BLK: variants seen among roughly 807,000 people sequenced by gnomAD.
BLK encodes the protein BLK proto-oncogene, Src family tyrosine kinase.
In BLK, 64 loss-of-function variants were observed where a neutral mutation model predicts 61.8. The observed-to-expected ratio is 1.03, with a 90% CI of 0.85 to 1.27. The LOEUF is 1.27. BLK is among the 50% of genes most tolerant of loss of function. The pLI is 0.00. For synonymous variants in BLK, 351 were observed against 272.0 expected, an observed-to-expected ratio of 1.29 and a Z score of -2.86; for missense variants, 853 against 660.5, an observed-to-expected ratio of 1.29 and a Z score of -3.19.
chr8:11,510,982 C>T (rs562793655), intron 1 of BLK, among the ~76,000 whole-genome samples: 1 of 152,208 alleles, frequency 6.6e-6, no homozygotes, highest in Non-Finnish European at 1.5e-5. Context: ...CATGGATCCC[C>T]GTAAGCTTTG....
chr8:11,540,857 G>GA (rs5889375), intron 1 of BLK, among the ~76,000 whole-genome samples: 1 of 143,862 alleles, frequency 7.0e-6, no homozygotes, highest in African/African-American at 2.5e-5. Context: ...CAAGAAGATA[G>GA]AAAAAAAAAA....
intron 1 of BLK, among the ~76,000 whole-genome samples, chr8:11,528,121 C>T (rs529660899): frequency 1.3e-5 from 2 of 152,322 alleles, no homozygotes; most frequent in South Asian, 4.1e-4. Flanking sequence ...ACTGCAATCT[C>T]TGCCTCCCAG....
At chr8:11,526,001 A>G (rs966429195) in intron 1 of BLK, among the ~76,000 whole-genome samples, 2 of 152,140 alleles carry the variant, frequency 1.3e-5, no homozygotes, top group Non-Finnish European at 2.9e-5. Flanking sequence ...TCGAACTCCT[A>G]TCCTCAGGTG....
At chr8:11,559,682 TCCCTCGGG>T in intron 10 of BLK, 1 of 450,802 alleles carries the variant, frequency 2.2e-6, no homozygotes, top group Non-Finnish European at 4.5e-6. Context: ...GCAATCACAA[TCCCTCGGG>T]CCCCACTTTG....
At chr8:11,551,856 G>C (rs1415616977) in intron 6 of BLK, among the ~76,000 whole-genome samples, 4 of 152,166 alleles carry the variant, frequency 2.6e-5, no homozygotes. Flanking sequence ...GTAAGCATCA[G>C]AGCCCAAAGC....
At chr8:11,537,930 A>T (rs761973899) in intron 1 of BLK, among the ~76,000 whole-genome samples, 1 of 152,120 alleles carries the variant, frequency 6.6e-6, no homozygotes. Flanking sequence ...GAAAGTCTGC[A>T]TTAGAGGGCC....
chr8:11,564,251 AG>A lies in BLK; in HGVS notation c.*148del. 2 of 1,029,584 alleles carry A rather than the reference AG, an allele frequency of 1.9e-6. No homozygotes were observed. The highest frequency in any genetic ancestry group is 2.9e-6 in the Non-Finnish European group (2 of 688,544). 63.8% of individuals were successfully genotyped at this position (1,029,584 alleles called of 1,614,324 possible). A position where few individuals can be genotyped will look rare whatever the true frequency, so the allele number is the denominator to read the frequency against. ...ATCCAGTGGGCAGAGGCAGCTTCGC[AG>A]GGGGTCCCCGGACGGACTCCTTCAC... On this transcript the variant is annotated 3_prime_UTR_variant, in exon 13 of 13. Coordinates refer to ENST00000259089, the MANE Select transcript of BLK (RefSeq NM_001715.3).
intron 1 of BLK, among the ~76,000 whole-genome samples, chr8:11,517,066 T>G (rs1799259110): frequency 6.6e-6 from 1 of 152,188 alleles, no homozygotes; most frequent in African/African-American, 2.4e-5. Context: ...GGAAGCGATG[T>G]GATGGGACCT....
At chr8:11,539,148 A>T (rs899876388) in intron 1 of BLK, among the ~76,000 whole-genome samples, 2 of 152,060 alleles carry the variant, frequency 1.3e-5, no homozygotes, top group African/African-American at 2.4e-5. Context: ...CAATAACCAC[A>T]GTAAACAACT....
chr8:11,557,007 AG>A (rs1417211556), intron 9 of BLK, among the ~76,000 whole-genome samples, 170 bp downstream of exon 9: 2 of 151,234 alleles, frequency 1.3e-5, no homozygotes, highest in African/African-American at 4.9e-5. Flanking sequence ...GGACAGAGGG[AG>A]GGTGAGAAAC....
Position 11,556,743 on chromosome 8 carries a change from C to A in BLK, c.858C>A (p.Asn286Lys). 1 of 1,614,208 alleles carries A rather than the reference C, an allele frequency of 6.2e-7. No homozygotes were observed. Among genetic ancestry groups the A allele is most frequent in the South Asian group, 1.1e-5 (1 of 91,086 alleles). ...MSPEAFLGEA[N>K]VMKALQHERL... is the part of the protein sequence containing the mutation. Reference sequence around the variant, plus strand: ...CAGAAGCCTTTCTGGGTGAGGCCAACGTGATGAAGGCTCTGCAGCACGAGC... The same window carrying A: ...CAGAAGCCTTTCTGGGTGAGGCCAAAGTGATGAAGGCTCTGCAGCACGAGC... Residue 286 changes from asparagine to lysine, a missense_variant, in exon 9 of 13, where the codon AAC becomes AAA. Physicochemically the swap from Asn to Lys is moderately conservative, Grantham distance 94. Coordinates refer to ENST00000259089, the MANE Select transcript of BLK (RefSeq NM_001715.3).
intron 10 of BLK, among the ~76,000 whole-genome samples, chr8:11,559,204 G>T (rs943552625): frequency 6.6e-6 from 1 of 152,100 alleles, no homozygotes; most frequent in African/African-American, 2.4e-5. Flanking sequence ...CAGAATCGGG[G>T]GTGAGGAGCC....
At chr8:11,551,632 G>A (rs544366110) in intron 6 of BLK, among the ~76,000 whole-genome samples, 169 of 152,260 alleles carry the variant, frequency 1.1e-3, no homozygotes, top group South Asian at 2.3e-3. Context: ...ACAGAATCCC[G>A]GGTGTGACCA....
At chr8:11,523,289 C>G (rs1201200260) in intron 1 of BLK, among the ~76,000 whole-genome samples, 2 of 152,140 alleles carry the variant, frequency 1.3e-5, no homozygotes, top group African/African-American at 2.4e-5. Context: ...CATGGTGGCT[C>G]ACACCTGTAA....
At position 11,554,691 on chromosome 8, in the gene BLK, G is replaced by T. The variant is rs189253794; in HGVS notation, c.473-52G>T. ...AAAATGAGGCCCAAATCCCAGTCCCGTTTTTTGTCTTTGTGCCTTACTTCT... is the reference window on the plus strand; with the variant it reads ...AAAATGAGGCCCAAATCCCAGTCCCTTTTTTTGTCTTTGTGCCTTACTTCT... On this transcript the variant is annotated intron_variant, in intron 6 of 12. Coordinates refer to ENST00000259089, the MANE Select transcript of BLK (RefSeq NM_001715.3). The T allele has an allele frequency of 5.0e-4, 799 of 1,605,068 alleles. 1 individual carries two copies. Among genetic ancestry groups the T allele is most frequent in the Non-Finnish European group, 6.3e-4 (745 of 1,177,928 alleles).
At chr8:11,550,331 C>A (rs1305971660) in intron 6 of BLK, 69 bp downstream of exon 6, 6 of 1,462,660 alleles carry the variant, frequency 4.1e-6, no homozygotes, top group Non-Finnish European at 5.7e-6. Context: ...AGAGGCCTGG[C>A]CCTGGAGTGA....
chr8:11,512,645 G>C (rs1799062177), intron 1 of BLK, among the ~76,000 whole-genome samples: 1 of 137,266 alleles, frequency 7.3e-6, no homozygotes, highest in African/African-American at 2.7e-5. Context: ...AAATTACACA[G>C]GCTTCTGGTT....
intron 8 of BLK, 140 bp from the exon 9 acceptor site, chr8:11,556,518 A>G: frequency 2.0e-6 from 2 of 1,023,386 alleles, no homozygotes; most frequent in Admixed American, 1.9e-5. Flanking sequence ...CCACACAACC[A>G]TGGCCTCCGG....
chr8:11,549,606 C>T (rs1232402644), intron 5 of BLK, among the ~76,000 whole-genome samples: 1 of 152,224 alleles, frequency 6.6e-6, no homozygotes, highest in Non-Finnish European at 1.5e-5. Flanking sequence ...CCAGCCAGAG[C>T]CCCCACGAAT....
Sources: gnomAD v4.1 joint callset for allele counts (sites outside exome capture counted in the v4.1 genomes callset) on GRCh38, gnomAD v4.1.1 for gene constraint, MANE v1.5 for transcripts, NCBI Gene and HGNC (gene_info 2026-07-23, HGNC 2026-07-21) for gene names.